Variants in VEZT observed in about 807,000 individuals in gnomAD.
VEZT encodes the protein vezatin.
Under a neutral mutation model 79.9 loss-of-function variants are expected in VEZT, and 39 were observed. The observed-to-expected ratio is 0.49, with a 90% CI of 0.38 to 0.64. The LOEUF (loss-of-function observed/expected upper bound fraction) is 0.64. Ranked by LOEUF, VEZT falls within the 30% of genes least tolerant of loss-of-function variation. The pLI is 0.00. For missense variants in VEZT, 837 were observed against 893.1 expected (o/e 0.94, Z 0.80); for synonymous variants, 325 against 327.6 (o/e 0.99, Z 0.09).
chr12:95,258,106 A>AT, intron 3 of VEZT: 1 of 384,820 alleles, frequency 2.6e-6, no homozygotes, highest in Non-Finnish European at 5.2e-6. Flanking sequence ...AAGTATTATT[A>AT]TTTTTTGGCT....
chr12:95,282,781 C>A, intron 8 of VEZT, 137 bp downstream of exon 8: 8 of 533,722 alleles, frequency 1.5e-5, no homozygotes, highest in South Asian at 1.3e-4. Context: ...TGATTTATAG[C>A]TATAAATATA....
In VEZT at chr12:95,220,316, G is replaced by C. The variant is rs148082540; in HGVS notation, c.36+2430G>C. ...CAAAAAAGACAAAAATTATTTGGGC[G>C]TGGTGGCACATGCCTATAGTCCCAG... On this transcript the variant is annotated intron_variant, in intron 1 of 11. Transcript: ENST00000436874. Among the ~76,000 whole-genome samples the C allele has an allele frequency of 1.9e-3, 287 of 152,186 alleles. 1 individual carries two copies. Among genetic ancestry groups the C allele is most frequent in the African/African-American group, 6.5e-3 (270 of 41,512 alleles).
At position 95,217,897 on chromosome 12, in the gene VEZT, A is replaced by T; in HGVS notation, c.36+11A>T. The T allele has an allele frequency of 6.6e-7, 1 of 1,511,058 alleles. No individual in the cohort carries two copies. Among genetic ancestry groups the T allele is most frequent in the South Asian group, 1.3e-5 (1 of 78,580 alleles). 93.6% of individuals were successfully genotyped at this position (1,511,058 alleles called of 1,614,324 possible). A position where few individuals can be genotyped will look rare whatever the true frequency, so the allele number is the denominator to read the frequency against. Reference sequence around the variant, plus strand: ...GAGGTGGTTTTTGAGGTAAGAGGAAAATGGCGGTGGGTGTGGATTGCCTTT... The same window carrying T: ...GAGGTGGTTTTTGAGGTAAGAGGAATATGGCGGTGGGTGTGGATTGCCTTT... On this transcript the variant is annotated intron_variant, in intron 1 of 11. Transcript: ENST00000436874.
chr12:95,235,280 C>A lies in VEZT; in HGVS notation c.37-16660C>A, dbSNP rs1313613791. 4.8e-5 allele frequency among the ~76,000 whole-genome samples: 5 copies of A among 103,312 alleles called. 1 individual carries two copies. Among genetic ancestry groups the A allele is most frequent in the Non-Finnish European group, 1.0e-4 (5 of 47,640 alleles). The allele number at this position is 103,312 out of a possible 152,430, so 67.8% of individuals were successfully genotyped here. A position where few individuals can be genotyped will look rare whatever the true frequency, so the allele number is the denominator to read the frequency against. On this transcript the variant is annotated intron_variant, in intron 1 of 11. Transcript: ENST00000436874. ...CTCCCGGACAGGGCGGCTGGCCGGG[C>A]GGGGGCTGACCCCCACCCACCTCCC... is the stretch of plus-strand genomic sequence containing the variant.
chr12:95,224,336 C>T (rs1289251413), intron 1 of VEZT: 2 of 436,246 alleles, frequency 4.6e-6, no homozygotes, highest in African/African-American at 2.1e-5. Context: ...TTTTTTTTGA[C>T]AGGGTCTTGC....
chr12:95,252,632 T>G, intron 2 of VEZT, among the ~76,000 whole-genome samples: 1 of 152,232 alleles, frequency 6.6e-6, no homozygotes, highest in East Asian at 1.9e-4. Context: ...ATGCATTTTC[T>G]GGATTCATTT....
intron 8 of VEZT, among the ~76,000 whole-genome samples, chr12:95,287,393 C>T (rs560691042): frequency 6.6e-6 from 1 of 152,048 alleles, no homozygotes; most frequent in African/African-American, 2.4e-5. Flanking sequence ...TATTGTGGCT[C>T]ACTGCAACCT....
At chr12:95,236,195 C>T (rs576537294) in intron 1 of VEZT, among the ~76,000 whole-genome samples, 12 of 152,180 alleles carry the variant, frequency 7.9e-5, no homozygotes, top group Non-Finnish European at 1.5e-4. Flanking sequence ...CCGAGGCTGG[C>T]GGATCACTCG....
At chr12:95,254,339 CTTTTTTTTTTTTT>C (rs34968028) in intron 2 of VEZT, among the ~76,000 whole-genome samples, 11 of 69,424 alleles carry the variant, frequency 1.6e-4, no homozygotes, top group Middle Eastern at 0.016. Context: ...AAACGAAGTT[CTTTTTTTTTTTTT>C]TTTTTTTTTT....
In VEZT at chr12:95,256,473, A is replaced by G. The variant is rs192855802; in HGVS notation, c.169-677A>G. The stretch of plus-strand genomic sequence containing the variant: ...CTTTACATTGATTGTAATTCTTTAT[A>G]TTGTCTCTTCTTCTATACTAAGTTC... On this transcript the variant is annotated intron_variant, in intron 2 of 11. Transcript: ENST00000436874. The G allele has an allele frequency of 2.0e-5, 15 of 759,350 alleles. No individual in the cohort carries two copies. In the East Asian group the frequency reaches 9.8e-4, roughly 50 times the overall value. 47.0% of individuals were successfully genotyped at this position (759,350 alleles called of 1,614,324 possible).
At chr12:95,269,321 C>T (rs1188374604) in intron 5 of VEZT, among the ~76,000 whole-genome samples, 1 of 152,164 alleles carries the variant, frequency 6.6e-6, no homozygotes, top group African/African-American at 2.4e-5. Flanking sequence ...ATGAAATGTG[C>T]TTCCTCTTGA....
At chr12:95,268,289 A>G (rs946071206) in intron 5 of VEZT, among the ~76,000 whole-genome samples, 1 of 151,984 alleles carries the variant, frequency 6.6e-6, no homozygotes, top group Non-Finnish European at 1.5e-5. Flanking sequence ...AGGTCAGGAG[A>G]TCGTAGCTAT....
At chr12:95,228,272 G>A (rs1035199116) in intron 1 of VEZT, among the ~76,000 whole-genome samples, 4 of 152,136 alleles carry the variant, frequency 2.6e-5, no homozygotes, top group African/African-American at 7.2e-5. Flanking sequence ...TCTCTTCCTC[G>A]AGAGATTCCC....
At chr12:95,235,112 C>G (rs2059852737) in intron 1 of VEZT, among the ~76,000 whole-genome samples, 1 of 152,090 alleles carries the variant, frequency 6.6e-6, no homozygotes, top group Non-Finnish European at 1.5e-5. Context: ...CCACCTTTCC[C>G]CCCTTTCTAT....
rs561639165 is a variant in VEZT at position 95,250,293 on chromosome 12, T to A, written c.37-1647T>A. Reference sequence around the variant, plus strand: ...AATCAAGATTTATTATTTTTTTTTTTAATTTTTTAATTTTTTTTTTTTTTT... The same window carrying A: ...AATCAAGATTTATTATTTTTTTTTTAAATTTTTTAATTTTTTTTTTTTTTT... On this transcript the variant is annotated intron_variant, in intron 1 of 11. Coordinates refer to ENST00000436874, the MANE Select transcript of VEZT (RefSeq NM_017599.4). Among the ~76,000 whole-genome samples, 154 of 130,290 alleles carry A rather than the reference T, an allele frequency of 1.2e-3. 1 individual carries two copies. The highest frequency in any genetic ancestry group is 4.2e-3 in the African/African-American group (142 of 33,448). The allele number at this position is 130,290 out of a possible 152,430, so 85.5% of individuals were successfully genotyped here.
chr12:95,298,035 G>A (rs1208666084), intron 11 of VEZT, among the ~76,000 whole-genome samples: 2 of 152,044 alleles, frequency 1.3e-5, no homozygotes, highest in South Asian at 2.1e-4. Flanking sequence ...CAGGAGAATC[G>A]CTTGAACCTG....
At chr12:95,223,392 T>C (rs939662668) in intron 1 of VEZT, among the ~76,000 whole-genome samples, 8 of 152,186 alleles carry the variant, frequency 5.3e-5, no homozygotes, top group African/African-American at 1.9e-4. Flanking sequence ...ATTGTTGTTA[T>C]GTTTTTCTTT....
At chr12:95,291,765 T>C (rs1239511708) in intron 9 of VEZT, among the ~76,000 whole-genome samples, 1 of 152,124 alleles carries the variant, frequency 6.6e-6, no homozygotes, top group East Asian at 1.9e-4. Flanking sequence ...AAAAATCTGG[T>C]GGGTTTTTAA....
chr12:95,246,033 A>G (rs953746164), intron 1 of VEZT, among the ~76,000 whole-genome samples: 1 of 152,274 alleles, frequency 6.6e-6, no homozygotes, highest in Non-Finnish European at 1.5e-5. Context: ...TGTACAGAAT[A>G]CATCATGAAT....
Sources: gnomAD v4.1 joint callset for allele counts (sites outside exome capture counted in the v4.1 genomes callset) on GRCh38, gnomAD v4.1.1 for gene constraint, MANE v1.5 for transcripts, NCBI Gene and HGNC (gene_info 2026-07-23, HGNC 2026-07-21) for gene names.